Variants in STK36 observed in about 807,000 individuals in gnomAD.
STK36 encodes serine/threonine kinase 36.
Under a neutral mutation model 142.2 loss-of-function variants are expected in STK36, and 116 were observed. That is an observed-to-expected ratio of 0.82 (90% CI 0.70 to 0.95). The LOEUF is 0.95. STK36 is among the 40% of genes least tolerant of loss of function. The probability of loss-of-function intolerance (pLI) is 0.00; values close to 1 mark genes in which losing one functional copy is unlikely to be tolerated. For missense variants in STK36, 1,422 were observed against 1,617.2 expected, an observed-to-expected ratio of 0.88 and a Z score of 2.07; for synonymous variants, 619 against 641.7, an observed-to-expected ratio of 0.96 and a Z score of 0.53.
chr2:218,702,659 C>T lies in STK36; in HGVS notation c.*650C>T, dbSNP rs983813756. Reference sequence around the variant, plus strand: ...CTCCCAGGACAAGGGTTGAGAGGCTCAACCCCTCTTTCAGCTTCTATGTGG... The same window carrying T: ...CTCCCAGGACAAGGGTTGAGAGGCTTAACCCCTCTTTCAGCTTCTATGTGG... On this transcript the variant is annotated 3_prime_UTR_variant, in exon 27 of 27. Coordinates refer to ENST00000295709, the MANE Select transcript of STK36 (RefSeq NM_015690.5). 2.0e-5 allele frequency: 3 copies of T among 152,176 alleles called. No homozygotes were observed. Among genetic ancestry groups the T allele is most frequent in the African/African-American group, 7.2e-5 (3 of 41,440 alleles). 9.4% of individuals were successfully genotyped at this position (152,176 alleles called of 1,614,324 possible).
intron 25 of STK36, 138 bp from the exon 26 acceptor site, chr2:218,698,464 G>A (rs1941316962): frequency 3.9e-6 from 4 of 1,028,904 alleles, no homozygotes; most frequent in Non-Finnish European, 5.7e-6. Flanking sequence ...CTCATGTGGA[G>A]TGCTGTGGGG....
intron 16 of STK36, 39 bp downstream of exon 16, chr2:218,692,749 C>T: frequency 6.3e-7 from 1 of 1,589,950 alleles, no homozygotes; most frequent in Non-Finnish European, 8.6e-7. Context: ...ATCCTACTGC[C>T]AGAGGAATTG....
intron 11 of STK36, among the ~76,000 whole-genome samples, chr2:218,685,943 C>T (rs1264934744): frequency 1.3e-5 from 2 of 151,702 alleles, no homozygotes; most frequent in Admixed American, 6.6e-5. Flanking sequence ...TACCCATTTA[C>T]GGTTTTTTTT....
chr2:218,675,866 C>T (rs1040063571), intron 5 of STK36, among the ~76,000 whole-genome samples, 163 bp from the exon 6 acceptor site: 2 of 152,130 alleles, frequency 1.3e-5, no homozygotes, highest in Non-Finnish European at 2.9e-5. Context: ...ATTTGGGCCT[C>T]ATTTTAGAAC....
chr2:218,679,779 G>A (rs1277022412), intron 8 of STK36, 50 bp downstream of exon 8: 1 of 1,611,544 alleles, frequency 6.2e-7, no homozygotes, highest in Non-Finnish European at 8.5e-7. Context: ...AGTGACTGGG[G>A]AGTTAGAGGA....
In STK36 at chr2:218,697,464, C is replaced by A; in HGVS notation, c.2763C>A (p.Gly921=). The A allele has an allele frequency of 6.2e-7, 1 of 1,613,816 alleles. No homozygotes were observed. The highest frequency in any genetic ancestry group is 8.5e-7 in the Non-Finnish European group (1 of 1,179,912). Residue 921 remains glycine (G), a splice_region_variant and synonymous_variant, in exon 24 of 27, where the codon GGC becomes GGA. Coordinates refer to ENST00000295709, the MANE Select transcript of STK36 (RefSeq NM_015690.5). ...EPDWTLISPQ[G]MAALLSLAMA... Reference sequence around the variant, plus strand: ...GGTCTCCATTTTTGGTGTTACCAGGCATGGCAGCCCTGCTGAGCCTGGCCA... The same window carrying A: ...GGTCTCCATTTTTGGTGTTACCAGGAATGGCAGCCCTGCTGAGCCTGGCCA...
At position 218,672,104 on chromosome 2, in the gene STK36, T is replaced by A; in HGVS notation, c.-201T>A. 9.2e-7 allele frequency: 1 copy of A among 1,090,844 alleles called. No homozygotes were observed. The highest frequency in any genetic ancestry group is 1.4e-6 in the Non-Finnish European group (1 of 734,140). The allele number at this position is 1,090,844 out of a possible 1,614,324, so 67.6% of individuals were successfully genotyped here. ...GGTCCTTAGCCGGGCCTGATGGCCC[T>A]GAGGCAGTTCGGATGTGTCCCAGGA... On this transcript the variant is annotated 5_prime_UTR_variant, in exon 1 of 27. Transcript: ENST00000295709.
At chr2:218,688,973 T>C in intron 12 of STK36, 97 bp downstream of exon 12, 1 of 1,239,534 alleles carries the variant, frequency 8.1e-7, no homozygotes, top group Non-Finnish European at 1.1e-6. Context: ...CTGACTGCCT[T>C]TTATTTTCTT....
At chr2:218,698,548 A>G in intron 25 of STK36, 54 bp from the exon 26 acceptor site, 1 of 1,564,238 alleles carries the variant, frequency 6.4e-7, no homozygotes, top group Non-Finnish European at 8.7e-7. Flanking sequence ...GGGCTTCTTT[A>G]TAGCTGCATA....
chr2:218,672,954 AC>A (rs1398413998), intron 2 of STK36, 41 bp downstream of exon 2: 1 of 1,567,534 alleles, frequency 6.4e-7, no homozygotes, highest in Non-Finnish European at 8.8e-7. Flanking sequence ...GGGATTTGGT[AC>A]CCCCAACTCC....
Position 218,688,774 on chromosome 2 carries a change from C to A in STK36, c.1458C>A (p.Cys486Ter). Residue 486 changes from cysteine to a stop codon, truncating the protein, a stop_gained, in exon 12 of 27, where the codon TGC becomes TGA. Transcript: ENST00000295709. LOFTEE classifies it high-confidence loss of function. Reference protein sequence around the residue: ...FRVLSSLLSSCSDSVALYSFC... With the variant: ...FRVLSSLLSS Reference sequence around the variant, plus strand: ...TCCTGAGCAGTCTTCTCTCCAGCTGCAGTGATTCTGTTGCCTTGTATTCCT... The same window carrying A: ...TCCTGAGCAGTCTTCTCTCCAGCTGAAGTGATTCTGTTGCCTTGTATTCCT... 1 of 1,614,200 alleles carries A rather than the reference C, an allele frequency of 6.2e-7. No individual in the cohort carries two copies. Among genetic ancestry groups the A allele is most frequent in the Non-Finnish European group, 8.5e-7 (1 of 1,180,034 alleles).
intron 10 of STK36, among the ~76,000 whole-genome samples, chr2:218,683,960 A>AT: frequency 9.2e-6 from 1 of 108,994 alleles, no homozygotes. Context: ...TATATGTGCC[A>AT]CTTTTTTTTT....
Position 218,692,726 on chromosome 2 carries a change from G to T in STK36, c.2043+16G>T. 6.2e-7 allele frequency: 1 copy of T among 1,606,262 alleles called. No homozygotes were observed. The stretch of plus-strand genomic sequence containing the variant: ...CAAGGAGCAGGTCCGAGCTACAATT[G>T]GTTGTTCCTCTCATCCTACTGCCAG... On this transcript the variant is annotated intron_variant, in intron 16 of 26. Transcript: ENST00000295709.
intron 6 of STK36, 100 bp from the exon 7 acceptor site, chr2:218,679,068 T>G: frequency 7.1e-6 from 8 of 1,123,234 alleles, no homozygotes; most frequent in South Asian, 1.4e-5. Context: ...TCATCTGCTG[T>G]GAGGATGGAT....
chr2:218,672,683 G>A (rs1221269396), intron 1 of STK36, 58 bp from the exon 2 acceptor site: 3 of 690,490 alleles, frequency 4.3e-6, no homozygotes, highest in Non-Finnish European at 7.6e-6. Flanking sequence ...AGGCTTTATT[G>A]TGAAAAAGAG....
Position 218,692,668 on chromosome 2 carries a change from T to A in STK36, c.2001T>A (p.Thr667=). ...AISSALAAIC[T]APVGLPDCWD... ...CCTCTGCCCTGGCAGCCATATGCAC[T>A]GCTCCTGTGGGACTGCCCGACTGCT... is the stretch of plus-strand genomic sequence containing the variant. The change falls in exon 16 of 27, where the codon ACT becomes ACA. Residue 667 remains threonine, a synonymous_variant. Coordinates refer to ENST00000295709, the MANE Select transcript of STK36 (RefSeq NM_015690.5). 1 of 1,613,640 alleles carries A rather than the reference T, an allele frequency of 6.2e-7. No individual in the cohort carries two copies. Among genetic ancestry groups the A allele is most frequent in the South Asian group, 1.1e-5 (1 of 90,986 alleles).
chr2:218,699,824 G>A (rs1941377789), intron 26 of STK36, among the ~76,000 whole-genome samples: 2 of 152,188 alleles, frequency 1.3e-5, no homozygotes, highest in African/African-American at 2.4e-5. Context: ...CAAATTACAA[G>A]GACAGTATGT....
intron 10 of STK36, among the ~76,000 whole-genome samples, chr2:218,681,543 G>C (rs1183914256): frequency 3.9e-5 from 6 of 152,022 alleles, no homozygotes; most frequent in African/African-American, 1.5e-4. Context: ...CCTTGTCTTA[G>C]TCTGTTTTGT....
At chr2:218,686,085 C>A (rs1575131554) in intron 11 of STK36, among the ~76,000 whole-genome samples, 1 of 151,848 alleles carries the variant, frequency 6.6e-6, no homozygotes, top group Middle Eastern at 3.4e-3. Flanking sequence ...ATTACAGGCT[C>A]GTGCCACCAC....
Sources: gnomAD v4.1 joint callset for allele counts (sites outside exome capture counted in the v4.1 genomes callset) on GRCh38, gnomAD v4.1.1 for gene constraint, MANE v1.5 for transcripts, NCBI Gene and HGNC (gene_info 2026-07-23, HGNC 2026-07-21) for gene names.